The following FBXO25 variants were observed in gnomAD, a reference collection of about 807,000 sequenced individuals.
FBXO25 encodes the protein F-box only protein 25.
FBXO25 carries 45 observed loss-of-function variants against 51.9 expected under a neutral mutation model. That is an observed-to-expected ratio of 0.87 (90% CI 0.68 to 1.11). The LOEUF (loss-of-function observed/expected upper bound fraction) is 1.11. Among genes scored for constraint, FBXO25 ranks in the 50% most tolerant of loss-of-function variants. The pLI is 0.00. For missense variants in FBXO25, 507 were observed against 428.5 expected (o/e 1.18, Z -1.62); for synonymous variants, 199 against 151.0 (o/e 1.32, Z -2.33).
At chr8:468,380 C>G (rs1392998949) in intron 9 of FBXO25, 1 of 644,106 alleles carries the variant, frequency 1.6e-6, no homozygotes. Context: ...CAGAAAGTCC[C>G]CAGTGGTTTC....
intron 4 of FBXO25, among the ~76,000 whole-genome samples, chr8:435,025 TG>T (rs1230246463): frequency 6.6e-6 from 1 of 152,178 alleles, no homozygotes; most frequent in Non-Finnish European, 1.5e-5. Context: ...ATCCCAATGC[TG>T]GTTTTCAGAA....
In FBXO25 at chr8:441,009, C is replaced by G. The variant is rs574814634; in HGVS notation, c.381+5302C>G. 2.3e-3 allele frequency among the ~76,000 whole-genome samples: 343 copies of G among 147,674 alleles called. 1 individual carries two copies. Among genetic ancestry groups the G allele is most frequent in the African/African-American group, 8.3e-3 (331 of 39,690 alleles). On this transcript the variant is annotated intron_variant, in intron 5 of 9. Transcript: ENST00000350302. ...TCACTGATGGGCATTTGGGTTGGTT[C>G]CAAGTCTTTGCTATTGTGAACAGTG...
At chr8:467,318 A>G (rs1415637899) in intron 9 of FBXO25, among the ~76,000 whole-genome samples, 1 of 152,210 alleles carries the variant, frequency 6.6e-6, no homozygotes, top group Non-Finnish European at 1.5e-5. Flanking sequence ...TCGGATGTTA[A>G]ATGAAGAACA....
intron 5 of FBXO25, among the ~76,000 whole-genome samples, chr8:445,662 G>A (rs539446447): frequency 1.3e-3 from 203 of 152,286 alleles, no homozygotes; most frequent in African/African-American, 2.3e-3. Context: ...AGACCAGCCT[G>A]GCCAACATGG....
At chr8:437,668 C>A (rs1283061070) in intron 5 of FBXO25, among the ~76,000 whole-genome samples, 2 of 152,188 alleles carry the variant, frequency 1.3e-5, no homozygotes, top group African/African-American at 4.8e-5. Flanking sequence ...CTCCATGTCC[C>A]CATCCCAATT....
chr8:440,453 A>G (rs1798357883), intron 5 of FBXO25, among the ~76,000 whole-genome samples: 1 of 152,240 alleles, frequency 6.6e-6, no homozygotes, highest in Non-Finnish European at 1.5e-5. Flanking sequence ...AGTCAAGGAC[A>G]GAGACCAAAA....
chr8:459,011 G>A (rs1474686231), intron 8 of FBXO25, among the ~76,000 whole-genome samples: 1 of 152,158 alleles, frequency 6.6e-6, no homozygotes, highest in African/African-American at 2.4e-5. Context: ...TGCTGCACTT[G>A]GGAGTGCACG....
At chr8:438,624 C>T (rs936510658) in intron 5 of FBXO25, among the ~76,000 whole-genome samples, 4 of 152,196 alleles carry the variant, frequency 2.6e-5, no homozygotes, top group African/African-American at 9.6e-5. Flanking sequence ...GTTCACTGTC[C>T]AGGGGCAGAT....
intron 2 of FBXO25, among the ~76,000 whole-genome samples, chr8:421,841 G>A (rs536534112): frequency 4.6e-5 from 7 of 152,240 alleles, no homozygotes; most frequent in Middle Eastern, 3.4e-3. Flanking sequence ...GTAGATGTCC[G>A]TCAAAAAGTG....
At position 475,806 on chromosome 8, in the gene FBXO25, G is replaced by C. The variant is rs1039817601; in HGVS notation, c.*7002G>C. 6.6e-6 allele frequency: 1 copy of C among 152,038 alleles called. No homozygotes were observed. Among genetic ancestry groups the C allele is most frequent in the East Asian group, 1.9e-4 (1 of 5,198 alleles). The allele number at this position is 152,038 out of a possible 1,614,324, so 9.4% of individuals were successfully genotyped here. On this transcript the variant is annotated 3_prime_UTR_variant, in exon 10 of 10. Coordinates refer to ENST00000350302, the MANE Select transcript of FBXO25 (RefSeq NM_183420.2). ...TTTTTTGTATATGTATGGACACTAGGATTTTCTACATATAAGATCATGTCA... is the reference window on the plus strand; with the variant it reads ...TTTTTTGTATATGTATGGACACTAGCATTTTCTACATATAAGATCATGTCA...
Position 469,088 on chromosome 8 carries a change from CT to C in FBXO25, c.*287del, listed in dbSNP as rs1800383193. ...TCTCTATATATATAGTTCAAAAATACTTTAGGTGGTCAGCTCCACATTCTTT... is the reference window on the plus strand; with the variant it reads ...TCTCTATATATATAGTTCAAAAATACTTAGGTGGTCAGCTCCACATTCTTT... On this transcript the variant is annotated 3_prime_UTR_variant, in exon 10 of 10. Transcript: ENST00000350302. The C allele has an allele frequency of 6.4e-6, 2 of 311,096 alleles. No homozygotes were observed. Among genetic ancestry groups the C allele is most frequent in the East Asian group, 1.1e-4 (2 of 17,922 alleles). 19.3% of individuals were successfully genotyped at this position (311,096 alleles called of 1,614,324 possible).
intron 7 of FBXO25, among the ~76,000 whole-genome samples, chr8:456,482 G>A (rs1375936193): frequency 2.0e-5 from 3 of 152,218 alleles, no homozygotes; most frequent in Non-Finnish European, 4.4e-5. Flanking sequence ...GACGTTTACT[G>A]AGAGCCTGCG....
At chr8:414,552 G>A (rs1232881342) in intron 2 of FBXO25, among the ~76,000 whole-genome samples, 1 of 152,086 alleles carries the variant, frequency 6.6e-6, no homozygotes, top group East Asian at 1.9e-4. Context: ...TTTCCCTCAT[G>A]TATTCTTTTT....
At chr8:424,437 C>T (rs1250125336) in intron 2 of FBXO25, among the ~76,000 whole-genome samples, 1 of 152,056 alleles carries the variant, frequency 6.6e-6, no homozygotes. Flanking sequence ...AATTCTTTGC[C>T]AAGGCCAACG....
Position 463,092 on chromosome 8 carries a change from A to G in FBXO25, c.929A>G (p.Lys310Arg), listed in dbSNP as rs1036495621. The change falls in exon 9 of 10, where the codon AAG becomes AGG. Residue 310 changes from lysine to arginine, a missense_variant. Coordinates refer to ENST00000350302, the MANE Select transcript of FBXO25 (RefSeq NM_183420.2). ...GCACTTCAGAAACATTACCCAGCGA[A>G]GGAGCAGTACGGAGACACACTGCAT... The part of the protein sequence containing the change: ...YFALQKHYPA[K>R]EQYGDTLHFC... 9 of 1,613,952 alleles carry G rather than the reference A, an allele frequency of 5.6e-6. No individual in the cohort carries two copies. Among genetic ancestry groups the G allele is most frequent in the Non-Finnish European group, 6.8e-6 (8 of 1,180,028 alleles).
chr8:414,674 C>G (rs1281494380), intron 2 of FBXO25, among the ~76,000 whole-genome samples: 1 of 152,204 alleles, frequency 6.6e-6, no homozygotes, highest in Non-Finnish European at 1.5e-5. Flanking sequence ...CTGGCTACCC[C>G]TCTGTCTCCC....
chr8:439,842 A>C (rs1798321117), intron 5 of FBXO25, among the ~76,000 whole-genome samples: 1 of 152,202 alleles, frequency 6.6e-6, no homozygotes, highest in African/African-American at 2.4e-5. Context: ...CTGAGGCAGG[A>C]GGATAACTTG....
chr8:468,726 C>A lies in FBXO25; in HGVS notation c.999C>A (p.His333Gln), dbSNP rs531523555. 1 of 1,613,990 alleles carries A rather than the reference C, an allele frequency of 6.2e-7. No homozygotes were observed. The highest frequency in any genetic ancestry group is 8.5e-7 in the Non-Finnish European group (1 of 1,179,972). Residue 333 changes from histidine (H) to glutamine (Q), a missense_variant, in exon 10 of 10, where the codon CAC becomes CAA. Transcript: ENST00000350302. ...CCACCTCCCCACAGGACTCAGGACA[C>A]CCCTGCACGGCGGCCGACCCTGACA... is the stretch of plus-strand genomic sequence containing the variant. ...CSILFWKDSG[H>Q]PCTAADPDSC... is the part of the protein sequence containing the mutation.
At position 472,864 on chromosome 8, in the gene FBXO25, C is replaced by G. The variant is rs527546388; in HGVS notation, c.*4060C>G. On this transcript the variant is annotated 3_prime_UTR_variant, in exon 10 of 10. Transcript: ENST00000350302. ...GCTGCCCTCTGAGAAAAGTCAGAAG[C>G]AAGCCTGCCTTATGAAACTCGACTT... is the stretch of plus-strand genomic sequence containing the variant. 6.6e-6 allele frequency: 1 copy of G among 152,226 alleles called. No homozygotes were observed. 9.4% of individuals were successfully genotyped at this position (152,226 alleles called of 1,614,324 possible).
Sources: allele counts gnomAD v4.1 joint callset (sites outside exome capture counted in the v4.1 genomes callset), GRCh38; gene constraint gnomAD v4.1.1; transcripts MANE v1.5; gene names NCBI Gene and HGNC (gene_info 2026-07-23, HGNC 2026-07-21).